The following PDCD11 variants were observed in gnomAD, a reference collection of about 807,000 sequenced individuals.
PDCD11 encodes the protein programmed cell death 11.
In PDCD11, 97 loss-of-function variants were observed where a neutral mutation model predicts 198.9. The ratio of observed to expected loss-of-function variants is 0.49; its 90% CI spans 0.41 to 0.58. PDCD11 has a LOEUF of 0.58. PDCD11 is among the 20% of genes least tolerant of loss of function. The pLI is 0.00. For synonymous variants in PDCD11, 893 were observed against 918.0 expected (o/e 0.97, Z 0.49); for missense variants, 2,102 against 2,312.7 (o/e 0.91, Z 1.87).
chr10:103,409,562 A>AT lies in PDCD11; in HGVS notation c.871-135dup. On this transcript the variant is annotated intron_variant, in intron 7 of 35. Transcript: ENST00000369797. ...CCAGTTATTTGTATAGGAAGAAAAG[A>AT]TTGTTAAGAGTTACCTGGGAGAGGA... is the stretch of plus-strand genomic sequence containing the variant. 13 of 626,720 alleles carry AT rather than the reference A, an allele frequency of 2.1e-5. No individual in the cohort carries two copies. In the South Asian group the frequency reaches 2.5e-4, roughly 12 times the overall value. The allele number at this position is 626,720 out of a possible 1,614,324, so 38.8% of individuals were successfully genotyped here.
chr10:103,422,356 C>G (rs1008394710), intron 17 of PDCD11, among the ~76,000 whole-genome samples: 2 of 151,766 alleles, frequency 1.3e-5, no homozygotes, highest in Admixed American at 6.6e-5. Flanking sequence ...GCTGGGATTA[C>G]AGGCGTGAGC....
At chr10:103,406,461 T>TG (rs2030454577) in intron 6 of PDCD11, 148 bp from the exon 7 acceptor site, 1 of 658,356 alleles carries the variant, frequency 1.5e-6, no homozygotes, top group Middle Eastern at 4.2e-4. Flanking sequence ...TTCTTGTAGT[T>TG]GGCCCCTTAA....
At position 103,438,768 on chromosome 10, in the gene PDCD11, G is replaced by A; in HGVS notation, c.3985G>A (p.Gly1329Ser). Residue 1329 changes from glycine (G) to serine (S), a missense_variant, in exon 27 of 36, where the codon GGC (glycine) becomes AGC (serine). Transcript: ENST00000369797. ...CATTAAGGAAGGGCAGCTTCTGAGG[G>A]GCTATGTAGGGTCCATCCAGCCACA... ...QDIKEGQLLR[G>S]YVGSIQPHGV... is the part of the protein sequence containing the mutation. 6.2e-7 allele frequency: 1 copy of A among 1,614,126 alleles called. No individual in the cohort carries two copies. The highest frequency in any genetic ancestry group is 8.5e-7 in the Non-Finnish European group (1 of 1,180,006).
intron 8 of PDCD11, among the ~76,000 whole-genome samples, chr10:103,412,391 G>C (rs2030853427): frequency 6.6e-6 from 1 of 152,092 alleles, no homozygotes; most frequent in Non-Finnish European, 1.5e-5. Flanking sequence ...CGTGATCTTG[G>C]CTCACTGCAG....
chr10:103,403,740 A>G lies in PDCD11; in HGVS notation c.402+455A>G, dbSNP rs575246549. On this transcript the variant is annotated intron_variant, in intron 4 of 35. Coordinates refer to ENST00000369797, the MANE Select transcript of PDCD11 (RefSeq NM_014976.2). ...ACGTGTAGATTGAAGAGGCATGAGA[A>G]GTTGCTTAGAGACAAGTTAGGAGGC... Among the ~76,000 whole-genome samples the G allele has an allele frequency of 1.8e-4, 27 of 152,242 alleles. 1 individual carries two copies. The East Asian group carries it at 5.2e-3, about 29-fold the overall frequency.
intron 27 of PDCD11, 121 bp downstream of exon 27, chr10:103,438,929 G>A: frequency 1.0e-6 from 1 of 970,594 alleles, no homozygotes; most frequent in Admixed American, 2.3e-5. Flanking sequence ...GAGAGTTTAT[G>A]AGTCCCCACT....
At chr10:103,434,553 A>G (rs2032070566) in intron 24 of PDCD11, 1 of 597,898 alleles carries the variant, frequency 1.7e-6, no homozygotes, top group Non-Finnish European at 3.0e-6. Flanking sequence ...ACCTTTACCT[A>G]TACAGGTTAC....
chr10:103,436,186 T>G (rs1055793349), intron 25 of PDCD11, among the ~76,000 whole-genome samples: 2 of 152,112 alleles, frequency 1.3e-5, no homozygotes, highest in African/African-American at 4.8e-5. Flanking sequence ...CTGCAACCTC[T>G]GCCTCCTGGG....
rs1277032460 is a variant in PDCD11, at chr10:103,405,965, G to T, written c.565-20G>T. The T allele has an allele frequency of 1.2e-6, 2 of 1,612,532 alleles. No homozygotes were observed. The highest frequency in any genetic ancestry group is 1.7e-5 in the Admixed American group (1 of 59,828). On this transcript the variant is annotated intron_variant, in intron 5 of 35. Transcript: ENST00000369797. ...ATTACCTTTGAATTGGAACTTCTGGGACTACTTTCTCTTCCCCAGCTACTT... is the reference window on the plus strand; with the variant it reads ...ATTACCTTTGAATTGGAACTTCTGGTACTACTTTCTCTTCCCCAGCTACTT...
At chr10:103,402,850 C>G (rs2030193061) in intron 3 of PDCD11, among the ~76,000 whole-genome samples, 1 of 152,178 alleles carries the variant, frequency 6.6e-6, no homozygotes, top group Non-Finnish European at 1.5e-5. Flanking sequence ...AAGCGATCCA[C>G]TCACCTCCGA....
rs1426962635 is a variant in PDCD11, at chr10:103,416,484, C to G, written c.1519-7C>G. The G allele has an allele frequency of 1.2e-6, 2 of 1,613,798 alleles. No individual in the cohort carries two copies. The highest frequency in any genetic ancestry group is 1.3e-5 in the African/African-American group (1 of 75,044). On this transcript the variant is annotated splice_region_variant and splice_polypyrimidine_tract_variant and intron_variant, in intron 12 of 35. Coordinates refer to ENST00000369797, the MANE Select transcript of PDCD11 (RefSeq NM_014976.2). ...TAACTTGATGACAGCCTGTGTCCCT[C>G]CCCTAGGTTTTGCTTTGTGACCCTG...
chr10:103,406,897 C>T, intron 7 of PDCD11, 107 bp downstream of exon 7: 2 of 840,270 alleles, frequency 2.4e-6, no homozygotes, highest in Non-Finnish European at 3.6e-6. Context: ...TCACTAGTCA[C>T]TTACGCCCAT....
Position 103,403,147 on chromosome 10 carries a change from T to C in PDCD11, c.264T>C (p.Gly88=). The change falls in exon 4 of 36, where the codon GGT becomes GGC. Residue 88 remains glycine, a synonymous_variant. Transcript: ENST00000369797. ...TGTGTGAGGGAATGCGTATTTTGGGTTGCGTGAAAGAGGTGAATGAACTGG... is the reference window on the plus strand; with the variant it reads ...TGTGTGAGGGAATGCGTATTTTGGGCTGCGTGAAAGAGGTGAATGAACTGG... ...ESLCEGMRIL[G]CVKEVNELEL... is the part of the protein sequence containing the mutation. 1 of 1,614,158 alleles carries C rather than the reference T, an allele frequency of 6.2e-7. No homozygotes were observed.
chr10:103,419,828 C>T (rs2031324838), intron 16 of PDCD11, 120 bp downstream of exon 16: 1 of 867,484 alleles, frequency 1.2e-6, no homozygotes, highest in Non-Finnish European at 1.7e-6. Flanking sequence ...CTTGTTCTGT[C>T]GCCCAGGCTG....
chr10:103,400,498 A>G lies in PDCD11; in HGVS notation c.204A>G (p.Ala68=). Residue 68 remains alanine, a synonymous_variant, in exon 3 of 36, where the codon GCA becomes GCG. Coordinates refer to ENST00000369797, the MANE Select transcript of PDCD11 (RefSeq NM_014976.2). ...KIEKRESSKS[A]REKFEILSVE... is the part of the protein sequence containing the mutation. ...AAAAGAGAGAAAGCAGCAAGTCCGC[A>G]AGAGAGAAGTTTGAAATCCTTAGTG... The G allele has an allele frequency of 6.2e-7, 1 of 1,614,096 alleles. No homozygotes were observed. Among genetic ancestry groups the G allele is most frequent in the Non-Finnish European group, 8.5e-7 (1 of 1,179,980 alleles).
intron 33 of PDCD11, 151 bp from the exon 34 acceptor site, chr10:103,443,764 T>C: frequency 1.3e-6 from 1 of 773,484 alleles, no homozygotes; most frequent in African/African-American, 1.7e-5. Context: ...TGAGCCTCCC[T>C]CCCGCTCCTC....
intron 30 of PDCD11, among the ~76,000 whole-genome samples, 185 bp from the exon 31 acceptor site, chr10:103,441,640 AC>A (rs1381875158): frequency 1.3e-5 from 2 of 152,126 alleles, no homozygotes; most frequent in African/African-American, 2.4e-5. Context: ...TACAAAGAAA[AC>A]TTTTATGTCA....
chr10:103,402,494 A>G (rs764239558), intron 3 of PDCD11, among the ~76,000 whole-genome samples: 1 of 152,088 alleles, frequency 6.6e-6, no homozygotes, highest in Admixed American at 6.5e-5. Context: ...GCTGGAGTGC[A>G]GTGGCATGAT....
At chr10:103,417,575 T>G (rs1434861567) in intron 13 of PDCD11, among the ~76,000 whole-genome samples, 2 of 152,244 alleles carry the variant, frequency 1.3e-5, no homozygotes, top group Non-Finnish European at 2.9e-5. Context: ...AAGACTTGGA[T>G]TGTACAAAAA....
Sources: allele counts gnomAD v4.1 joint callset (sites outside exome capture counted in the v4.1 genomes callset), GRCh38; gene constraint gnomAD v4.1.1; transcripts MANE v1.5; gene names NCBI Gene and HGNC (gene_info 2026-07-23, HGNC 2026-07-21).